DNAH9: variants seen among roughly 807,000 people sequenced by gnomAD.
DNAH9 encodes DNAH9 variant protein.
A neutral mutation model predicts 471.6 loss-of-function variants in DNAH9; 345 were observed. The observed-to-expected ratio is 0.73, with a 90% CI of 0.67 to 0.80. DNAH9 has a LOEUF of 0.80. Among genes scored for constraint, DNAH9 ranks in the 30% least tolerant of loss-of-function variants. The pLI is 0.00. For synonymous variants in DNAH9, 2,093 were observed against 2,123.6 expected (o/e 0.99, Z 0.40); for missense variants, 5,407 against 5,609.2 (o/e 0.96, Z 1.15).
Position 11,962,350 on chromosome 17 carries a change from T to C in DNAH9, c.13233+94T>C. ...GTGTGACTACTAAAAGAGATATTCCTGAATCTTTTTCTCTAGCTAACCTTC... is the reference window on the plus strand; with the variant it reads ...GTGTGACTACTAAAAGAGATATTCCCGAATCTTTTTCTCTAGCTAACCTTC... On this transcript the variant is annotated intron_variant, in intron 68 of 68. Coordinates refer to ENST00000262442, the MANE Select transcript of DNAH9 (RefSeq NM_001372.4). This position sits in a 1 kb window ranked among gnomAD's most constrained non-coding sequence, Gnocchi z 4.1. The C allele has an allele frequency of 6.8e-7, 1 of 1,469,852 alleles. No homozygotes were observed. The allele number at this position is 1,469,852 out of a possible 1,614,324, so 91.1% of individuals were successfully genotyped here. A position where few individuals can be genotyped will look rare whatever the true frequency, so the allele number is the denominator to read the frequency against.
intron 23 of DNAH9, 48 bp downstream of exon 23, chr17:11,699,931 C>T: frequency 6.3e-7 from 1 of 1,591,944 alleles, no homozygotes; most frequent in Non-Finnish European, 8.6e-7. Flanking sequence ...CTCTCAAATG[C>T]CTTCATTCAA....
intron 10 of DNAH9, among the ~76,000 whole-genome samples, chr17:11,642,076 C>G (rs1262366696): frequency 6.6e-6 from 1 of 152,066 alleles, no homozygotes; most frequent in Non-Finnish European, 1.5e-5. Flanking sequence ...AGCGGTACTT[C>G]TGCAGCAGCC....
chr17:11,863,381 A>G (rs1018899006), intron 50 of DNAH9, among the ~76,000 whole-genome samples: 1 of 152,082 alleles, frequency 6.6e-6, no homozygotes, highest in African/African-American at 2.4e-5. Context: ...CCACTTGATC[A>G]CAGTGGATAA....
Position 11,689,746 on chromosome 17 carries a change from C to T in DNAH9, c.3924C>T (p.Thr1308=). The T allele has an allele frequency of 1.9e-6, 3 of 1,614,186 alleles. No individual in the cohort carries two copies. The highest frequency in any genetic ancestry group is 4.5e-5 in the East Asian group (2 of 44,882). Residue 1308 remains threonine, a synonymous_variant, in exon 20 of 69, where the codon ACC becomes ACT. Transcript: ENST00000262442. ...GCCAGCTGAAGGAGCTCTGGGACAC[C>T]ATTGGAATGGTGACCTCCAGCATCC... The part of the protein sequence containing the change: ...EVCQLKELWD[T]IGMVTSSIHA...
intron 42 of DNAH9, among the ~76,000 whole-genome samples, chr17:11,795,546 A>C (rs1432350494): frequency 6.6e-6 from 1 of 152,118 alleles, no homozygotes; most frequent in Non-Finnish European, 1.5e-5. Context: ...ATTTTAAGTC[A>C]CTTATTTTAT....
chr17:11,891,780 T>C lies in DNAH9; in HGVS notation c.11116T>C (p.Phe3706Leu). The C allele has an allele frequency of 6.2e-7, 1 of 1,614,050 alleles. No individual in the cohort carries two copies. The highest frequency in any genetic ancestry group is 8.5e-7 in the Non-Finnish European group (1 of 1,179,944). Residue 3706 changes from phenylalanine to leucine, a missense_variant, in exon 58 of 69, where the codon TTC becomes CTC. Transcript: ENST00000262442. The part of the protein sequence containing the change: ...HPMYQFSLKA[F>L]SIVFQKAVER... The stretch of plus-strand genomic sequence containing the variant: ...GTTTCCTGTCTTCTGTCCCCAGGCC[T>C]TCAGTATCGTCTTCCAGAAGGCTGT...
At chr17:11,717,294 AGGCTGAGGTGGGT>A (rs986912263) in intron 26 of DNAH9, among the ~76,000 whole-genome samples, 2 of 152,058 alleles carry the variant, frequency 1.3e-5, no homozygotes, top group Admixed American at 6.5e-5. Flanking sequence ...GCACTTTGGG[AGGCTGAGGTGGGT>A]GGATCACTTG....
chr17:11,742,334 G>A (rs901434529), intron 30 of DNAH9, 21 bp downstream of exon 30: 1 of 1,613,386 alleles, frequency 6.2e-7, no homozygotes, highest in African/African-American at 1.3e-5. Flanking sequence ...TAGGGAGGCT[G>A]TACAACCAAG....
chr17:11,844,109 G>C (rs1158616918), intron 49 of DNAH9, among the ~76,000 whole-genome samples: 1 of 151,118 alleles, frequency 6.6e-6, no homozygotes, highest in African/African-American at 2.4e-5. Flanking sequence ...AACTGTAAAA[G>C]AACTAGAAAA....
chr17:11,781,279 G>A, intron 39 of DNAH9, 105 bp downstream of exon 39: 2 of 1,211,212 alleles, frequency 1.7e-6, no homozygotes, highest in East Asian at 2.6e-5. Flanking sequence ...GCATAGCTCT[G>A]GTGCCAGATG....
intron 17 of DNAH9, among the ~76,000 whole-genome samples, chr17:11,673,023 C>T (rs1238764139): frequency 6.6e-6 from 1 of 152,092 alleles, no homozygotes; most frequent in Non-Finnish European, 1.5e-5. Flanking sequence ...CCTTGTAAAA[C>T]CCTGACTGTT....
chr17:11,640,009 C>T (rs531655797), intron 9 of DNAH9, among the ~76,000 whole-genome samples: 34 of 152,260 alleles, frequency 2.2e-4, no homozygotes, highest in African/African-American at 7.7e-4. Context: ...TTGAAACACT[C>T]ATGGCTGGGC....
In DNAH9 at chr17:11,947,777, T is replaced by A. The variant is rs962665540; in HGVS notation, c.12843+5292T>A. On this transcript the variant is annotated intron_variant, in intron 67 of 68. Transcript: ENST00000262442. Reference sequence around the variant, plus strand: ...TCTGGGAGGGGCTGGGAACTATTTTTTTTTTTTTTTTTTTTTTTTTTTGAG... The same window carrying A: ...TCTGGGAGGGGCTGGGAACTATTTTATTTTTTTTTTTTTTTTTTTTTTGAG... Among the ~76,000 whole-genome samples, 157 of 136,962 alleles carry A rather than the reference T, an allele frequency of 1.1e-3. 4 individuals are homozygous for A. Among genetic ancestry groups the A allele is most frequent in the African/African-American group, 4.1e-3 (148 of 35,966 alleles). The allele number at this position is 136,962 out of a possible 152,430, so 89.9% of individuals were successfully genotyped here.
Position 11,937,275 on chromosome 17 carries a change from T to C in DNAH9, c.12490-77T>C. On this transcript the variant is annotated intron_variant, in intron 65 of 68. Coordinates refer to ENST00000262442, the MANE Select transcript of DNAH9 (RefSeq NM_001372.4). This position sits in a 1 kb window ranked among gnomAD's most constrained non-coding sequence, Gnocchi z 4.1. ...GAGGGATACTAGCCCATGGACTCCC[T>C]GCAGAGGACAAGCCGGTGTGGGAGA... 6.6e-7 allele frequency: 1 copy of C among 1,525,164 alleles called. No individual in the cohort carries two copies. Among genetic ancestry groups the C allele is most frequent in the South Asian group, 1.3e-5 (1 of 78,064 alleles). The allele number at this position is 1,525,164 out of a possible 1,614,324, so 94.5% of individuals were successfully genotyped here. A position where few individuals can be genotyped will look rare whatever the true frequency, so the allele number is the denominator to read the frequency against.
rs763145751 is a variant in DNAH9 at position 11,636,691 on chromosome 17, G to A, written c.1693G>A (p.Asp565Asn). The change falls in exon 9 of 69, where the codon GAT (aspartate) becomes AAT (asparagine). Residue 565 changes from aspartate (D) to asparagine (N), a missense_variant. Asp to Asn is a conservative substitution (Grantham distance 23, BLOSUM62 1). Coordinates refer to ENST00000262442, the MANE Select transcript of DNAH9 (RefSeq NM_001372.4). ...ACCGCTGGTAGCGAGGGATACATCT[G>A]ATAAATACCTGGTCCTCATCCAAAT... The part of the protein sequence containing the change: ...ERPLVARDTS[D>N]KYLVLIQMFN... The A allele has an allele frequency of 1.2e-6, 2 of 1,613,760 alleles. No homozygotes were observed. The highest frequency in any genetic ancestry group is 3.3e-5 in the Admixed American group (2 of 60,020).
chr17:11,647,320 T>G (rs1013350083), intron 12 of DNAH9, 122 bp downstream of exon 12: 10 of 941,596 alleles, frequency 1.1e-5, no homozygotes, highest in Non-Finnish European at 1.6e-5. Flanking sequence ...TCGCCCAGGC[T>G]GGAGTGCAGT....
At chr17:11,956,563 C>A (rs866637140) in intron 67 of DNAH9, among the ~76,000 whole-genome samples, 1 of 151,956 alleles carries the variant, frequency 6.6e-6, no homozygotes, top group Non-Finnish European at 1.5e-5. Flanking sequence ...TCACCAAAAT[C>A]AACTATATTT....
At chr17:11,693,724 A>T in intron 20 of DNAH9, 144 bp from the exon 21 acceptor site, 1 of 896,190 alleles carries the variant, frequency 1.1e-6, no homozygotes, top group Non-Finnish European at 1.8e-6. Context: ...AATGCAGCTT[A>T]AACTAAGGGT....
At chr17:11,829,004 A>T (rs1265848313) in intron 48 of DNAH9, among the ~76,000 whole-genome samples, 1 of 152,204 alleles carries the variant, frequency 6.6e-6, no homozygotes, top group Non-Finnish European at 1.5e-5. Flanking sequence ...GGAGAGGCAA[A>T]TTAACACTGA....
Sources: allele counts gnomAD v4.1 joint callset (sites outside exome capture counted in the v4.1 genomes callset), GRCh38; gene constraint gnomAD v4.1.1; non-coding constraint Gnocchi (gnomAD v3.1); transcripts MANE v1.5; gene names NCBI Gene and HGNC (gene_info 2026-07-23, HGNC 2026-07-21).